Variants in HLCS observed in about 807,000 individuals in gnomAD.
HLCS encodes biotin--protein ligase.
In HLCS, 53 loss-of-function variants were observed where a neutral mutation model predicts 75.0. The observed-to-expected ratio is 0.71, with a 90% confidence interval of 0.57 to 0.89. The LOEUF is 0.89. Ranked by LOEUF, HLCS falls within the 40% of genes least tolerant of loss-of-function variation. HLCS has a pLI of 0.00. For missense variants in HLCS, 966 were observed against 1,074.0 expected (o/e 0.90, Z 1.41); for synonymous variants, 431 against 428.6 (o/e 1.01, Z -0.07).
chr21:36,759,980 T>G (rs1238202070), intron 8 of HLCS, 139 bp from the exon 9 acceptor site: 8 of 714,314 alleles, frequency 1.1e-5, no homozygotes, highest in Non-Finnish European at 1.8e-5. Context: ...GCTAATCACT[T>G]CTTTGGGACA....
intron 9 of HLCS, among the ~76,000 whole-genome samples, chr21:36,758,400 C>T (rs1839144790): frequency 6.6e-6 from 1 of 152,128 alleles, no homozygotes; most frequent in South Asian, 2.1e-4. Flanking sequence ...TGAGCCACCA[C>T]ACCTGGCCTA....
chr21:36,944,474 G>A (rs998677518), intron 2 of HLCS, among the ~76,000 whole-genome samples: 2 of 152,142 alleles, frequency 1.3e-5, no homozygotes, highest in African/African-American at 4.8e-5. Flanking sequence ...AAAACACACA[G>A]AACTGTGCAT....
At chr21:36,934,083 C>T (rs1025624287) in intron 4 of HLCS, among the ~76,000 whole-genome samples, 4 of 152,100 alleles carry the variant, frequency 2.6e-5, no homozygotes, top group African/African-American at 2.4e-5. Flanking sequence ...AATGGCACAC[C>T]GGAGTGTGTG....
In HLCS at chr21:36,751,300, C is replaced by T. The variant is rs112591275; in HGVS notation, c.*2946G>A. 8.6e-4 allele frequency: 132 copies of T among 152,758 alleles called. No homozygotes were observed. The highest frequency in any genetic ancestry group is 2.9e-3 in the African/African-American group (119 of 41,568). The allele number at this position is 152,758 out of a possible 1,614,324, so 9.5% of individuals were successfully genotyped here. A position where few individuals can be genotyped will look rare whatever the true frequency, so the allele number is the denominator to read the frequency against. ...GAGAAGTTAAAATTGCAGAGGCTTA[C>T]GCTTTCTTTTATTTCAAATATGCAT... On this transcript the variant is annotated 3_prime_UTR_variant, in exon 11 of 11. Transcript: ENST00000674895.
intron 8 of HLCS, among the ~76,000 whole-genome samples, chr21:36,760,558 C>T (rs965420428): frequency 1.3e-5 from 2 of 150,280 alleles, no homozygotes; most frequent in Admixed American, 6.7e-5. Flanking sequence ...TGCAGCGAGC[C>T]GAGATCGTGC....
At chr21:36,916,236 G>A (rs1402061209) in intron 5 of HLCS, among the ~76,000 whole-genome samples, 1 of 152,160 alleles carries the variant, frequency 6.6e-6, no homozygotes, top group Non-Finnish European at 1.5e-5. Flanking sequence ...CTATACCCGT[G>A]ACATGATCAT....
chr21:36,936,392 C>A, intron 4 of HLCS, 57 bp downstream of exon 4: 1 of 1,438,506 alleles, frequency 7.0e-7, no homozygotes, highest in South Asian at 1.1e-5. Flanking sequence ...GACATATTCC[C>A]TCGCAAAAAT....
intron 6 of HLCS, among the ~76,000 whole-genome samples, chr21:36,866,292 A>C (rs1409716811): frequency 6.6e-6 from 1 of 152,206 alleles, no homozygotes; most frequent in African/African-American, 2.4e-5. Flanking sequence ...TTTTTTCAAA[A>C]AGGAAATTGA....
At chr21:36,943,081 C>G (rs1029375702) in intron 2 of HLCS, among the ~76,000 whole-genome samples, 3 of 152,102 alleles carry the variant, frequency 2.0e-5, no homozygotes, top group Non-Finnish European at 4.4e-5. Context: ...AAGATACCAA[C>G]AAGGACAAGG....
chr21:36,887,570 C>CA (rs1347391475), intron 6 of HLCS, among the ~76,000 whole-genome samples: 2 of 151,948 alleles, frequency 1.3e-5, no homozygotes, highest in African/African-American at 4.8e-5. Flanking sequence ...ATTGGAACAA[C>CA]AAAAAAAATT....
At chr21:36,798,229 TGGGGGAGG>T (rs1188540993) in intron 6 of HLCS, among the ~76,000 whole-genome samples, 1 of 152,102 alleles carries the variant, frequency 6.6e-6, no homozygotes, top group Non-Finnish European at 1.5e-5. Flanking sequence ...TGCAGGTATT[TGGGGGAGG>T]AAGGGAGGCA....
intron 6 of HLCS, among the ~76,000 whole-genome samples, chr21:36,777,986 G>T (rs1366765026): frequency 4.0e-5 from 6 of 150,816 alleles, no homozygotes; most frequent in Admixed American, 4.0e-4. Context: ...TTATTTTTTT[G>T]GAGACACAGT....
At chr21:36,845,240 T>C (rs2062756618) in intron 6 of HLCS, among the ~76,000 whole-genome samples, 1 of 152,114 alleles carries the variant, frequency 6.6e-6, no homozygotes, top group South Asian at 2.1e-4. Flanking sequence ...AGCCGGCCAC[T>C]CGGCCCCGAT....
intron 6 of HLCS, among the ~76,000 whole-genome samples, chr21:36,780,521 C>T (rs1159995319): frequency 6.6e-6 from 1 of 152,134 alleles, no homozygotes; most frequent in Non-Finnish European, 1.5e-5. Context: ...CCCGGCTCCT[C>T]ATTTCTTCTT....
Position 36,985,408 on chromosome 21 carries a change from G to A in HLCS, c.-393+4750C>T, listed in dbSNP as rs375910628. On this transcript the variant is annotated intron_variant, in intron 1 of 11. Coordinates refer to the HLCS transcript ENST00000336648. Reference sequence around the variant, plus strand: ...AGCACTTTGGGAGGCCAAGGCGGGCGGATCACTTGAGGTCAGGAGTTTGAG... The same window carrying A: ...AGCACTTTGGGAGGCCAAGGCGGGCAGATCACTTGAGGTCAGGAGTTTGAG... Among the ~76,000 whole-genome samples the A allele has an allele frequency of 1.1e-3, 158 of 148,856 alleles. 2 individuals carry two copies. Among genetic ancestry groups the A allele is most frequent in the African/African-American group, 3.7e-3 (149 of 40,306 alleles).
intron 2 of HLCS, among the ~76,000 whole-genome samples, chr21:36,940,468 C>T (rs768787496): frequency 6.6e-6 from 1 of 152,182 alleles, no homozygotes; most frequent in Non-Finnish European, 1.5e-5. Flanking sequence ...CGGGCCACCA[C>T]ACTGGGCTTG....
chr21:36,868,160 A>T (rs1238202856), intron 6 of HLCS, among the ~76,000 whole-genome samples: 1 of 121,810 alleles, frequency 8.2e-6, no homozygotes, highest in Non-Finnish European at 1.7e-5. Flanking sequence ...GAAAGAAAGG[A>T]AAAAAGGGAA....
At chr21:36,789,086 A>G (rs1311645112) in intron 6 of HLCS, among the ~76,000 whole-genome samples, 4 of 152,090 alleles carry the variant, frequency 2.6e-5, no homozygotes. Context: ...ACAGACTCTC[A>G]TTCTGTTGCC....
intron 5 of HLCS, among the ~76,000 whole-genome samples, chr21:36,915,593 G>A (rs570939055): frequency 1.6e-4 from 24 of 152,250 alleles, no homozygotes; most frequent in Middle Eastern, 3.4e-3. Flanking sequence ...TCAAGGCCAC[G>A]GTCTAAGAAG....
Sources: allele counts gnomAD v4.1 joint callset (sites outside exome capture counted in the v4.1 genomes callset), GRCh38; gene constraint gnomAD v4.1.1; transcripts MANE v1.5; gene names NCBI Gene and HGNC (gene_info 2026-07-23, HGNC 2026-07-21).